The following PAICS variants were observed in gnomAD, a reference collection of about 807,000 sequenced individuals.
PAICS encodes the protein phosphoribosylaminoimidazole carboxylase and phosphoribosylaminoimidazolesuccinocarboxamide synthase.
A neutral mutation model predicts 53.7 loss-of-function variants in PAICS; 33 were observed. The ratio of observed to expected loss-of-function variants is 0.61; its 90% CI spans 0.47 to 0.82. The LOEUF (loss-of-function observed/expected upper bound fraction) is 0.82. PAICS is among the 40% of genes least tolerant of loss of function. The probability of loss-of-function intolerance (pLI) is 0.00; values close to 1 mark genes in which losing one functional copy is unlikely to be tolerated. For synonymous variants in PAICS, 141 were observed against 167.2 expected (o/e 0.84, Z 1.21); for missense variants, 394 against 494.1 (o/e 0.80, Z 1.92).
chr4:56,435,740 T>C (rs1578142638), upstream of PAICS: 5 of 1,484,070 alleles, frequency 3.4e-6, no homozygotes, highest in East Asian at 1.3e-4. Flanking sequence ...ACGGATGCTG[T>C]AGGGTGGAGC....
At chr4:56,453,168 CTT>C (rs778866607) in intron 7 of PAICS, among the ~76,000 whole-genome samples, 9 of 152,186 alleles carry the variant, frequency 5.9e-5, no homozygotes, top group Non-Finnish European at 1.0e-4. Flanking sequence ...TCCTTCAACT[CTT>C]GTTTGAAGAC....
the PAICS span, among the ~76,000 whole-genome samples, chr4:56,411,637 AGATGC>A: frequency 1.2e-4 from 19 of 152,236 alleles, no homozygotes; most frequent in Admixed American, 1.2e-3. Context: ...TAAATCTTAT[AGATGC>A]TATTTCAAGA....
At chr4:56,428,524 C>T in the PAICS span, among the ~76,000 whole-genome samples, 2 of 151,816 alleles carry the variant, frequency 1.3e-5, no homozygotes, top group Admixed American at 1.3e-4. Flanking sequence ...GAAAAAATGG[C>T]AACCCTCCAA....
At chr4:56,425,522 C>A in the PAICS span, 1 of 218,952 alleles carries the variant, frequency 4.6e-6, no homozygotes, top group Non-Finnish European at 7.7e-6. Flanking sequence ...CTAATTTGTA[C>A]TGTTGGTAAT....
In PAICS at chr4:56,444,436, G is replaced by C. The variant is rs550155543; in HGVS notation, c.215-2259G>C. On this transcript the variant is annotated intron_variant, in intron 2 of 8. Transcript: ENST00000512576. ...CTAGTATATGAAGAACGGTACTACA[G>C]TTGCTAAACCACAGATGGGCATCTG... Among the ~76,000 whole-genome samples, 463 of 152,244 alleles carry C rather than the reference G, an allele frequency of 3.0e-3. 2 individuals carry two copies. The highest frequency in any genetic ancestry group is 0.011 in the African/African-American group (438 of 41,532).
chr4:56,449,695 T>G (rs1187845037), intron 5 of PAICS, among the ~76,000 whole-genome samples: 2 of 151,074 alleles, frequency 1.3e-5, no homozygotes. Context: ...AGAATGAGAT[T>G]GGCCAGGCGC....
chr4:56,441,006 T>TA (rs1483025657), intron 1 of PAICS, among the ~76,000 whole-genome samples: 1 of 152,218 alleles, frequency 6.6e-6, no homozygotes, highest in East Asian at 1.9e-4. Flanking sequence ...CACAATTTCT[T>TA]ACAACTGTTA....
In PAICS at chr4:56,461,243, C is replaced by G. The variant is rs1416707905; in HGVS notation, c.*1705C>G. ...TATTTCCCTCACACTGTGTTATGCT[C>G]TGATGTGCTATGCTTAGCTATCTGT... On this transcript the variant is annotated 3_prime_UTR_variant, in exon 9 of 9. Coordinates refer to ENST00000512576, the MANE Select transcript of PAICS (RefSeq NM_001079524.2). The G allele has an allele frequency of 6.6e-6, 1 of 152,204 alleles. No individual in the cohort carries two copies. Among genetic ancestry groups the G allele is most frequent in the East Asian group, 1.9e-4 (1 of 5,192 alleles). 9.4% of individuals were successfully genotyped at this position (152,204 alleles called of 1,614,324 possible).
intron 8 of PAICS, among the ~76,000 whole-genome samples, chr4:56,455,399 C>T (rs954106555): frequency 1.3e-5 from 2 of 152,150 alleles, no homozygotes; most frequent in African/African-American, 4.8e-5. Flanking sequence ...TTGAGCCCTC[C>T]AACCTGGTCC....
chr4:56,435,916 C>T (rs373761081), upstream of PAICS: 91 of 1,492,456 alleles, frequency 6.1e-5, 1 homozygote, highest in African/African-American at 1.2e-3. Context: ...TTCCCCCAGG[C>T]CGTCAAGACT....
chr4:56,420,945 GTCT>G, the PAICS span: 1 of 147,660 alleles, frequency 6.8e-6, no homozygotes, highest in Non-Finnish European at 1.5e-5. Flanking sequence ...GTAACCAAGT[GTCT>G]TCTCTAGACC....
chr4:56,412,092 A>G, the PAICS span, among the ~76,000 whole-genome samples: 5 of 152,164 alleles, frequency 3.3e-5, no homozygotes, highest in African/African-American at 1.2e-4. Flanking sequence ...TTAGCTTCTG[A>G]AAGTCCCCGA....
the PAICS span, chr4:56,410,899 T>TAAAAAAAA: frequency 2.1e-5 from 14 of 678,540 alleles, no homozygotes; most frequent in African/African-American, 1.1e-4. Context: ...CCACTGAAGG[T>TAAAAAAAA]AAAAAAAAAA....
chr4:56,417,842 GTT>G, the PAICS span, among the ~76,000 whole-genome samples: 11,241 of 136,012 alleles, frequency 0.083, 539 homozygotes, highest in East Asian at 0.25. Context: ...TTGGTTTTTT[GTT>G]TTTTTTTTTT....
intron 1 of PAICS, among the ~76,000 whole-genome samples, chr4:56,439,483 C>A (rs1300094518): frequency 1.3e-5 from 2 of 152,036 alleles, no homozygotes; most frequent in African/African-American, 4.8e-5. Context: ...GTGATCCGCC[C>A]GCCTCGGCCT....
chr4:56,431,799 TAAG>T (rs1437536713), upstream of PAICS, among the ~76,000 whole-genome samples: 1 of 152,210 alleles, frequency 6.6e-6, no homozygotes, highest in Non-Finnish European at 1.5e-5. Context: ...ATGTTTATTC[TAAG>T]AAGGGGTGTC....
At chr4:56,427,906 G>A in the PAICS span, among the ~76,000 whole-genome samples, 1 of 152,206 alleles carries the variant, frequency 6.6e-6, no homozygotes, top group South Asian at 2.1e-4. Context: ...CCTTATACCT[G>A]AGTTGGTAGA....
Position 56,440,454 on chromosome 4 carries a change from A to G in PAICS, c.17-1209A>G, listed in dbSNP as rs554845204. ...TGATGTGGCCCCTGTCCAACTCTTA[A>G]GTCTTGTCTCCTGCCATTCTTTAGC... On this transcript the variant is annotated intron_variant, in intron 1 of 8. Coordinates refer to ENST00000512576, the MANE Select transcript of PAICS (RefSeq NM_001079524.2). Among the ~76,000 whole-genome samples, 16 of 152,260 alleles carry G rather than the reference A, an allele frequency of 1.1e-4. 1 individual carries two copies. The South Asian group carries it at 3.1e-3, about 30-fold the overall frequency.
rs1311676915 is a variant in PAICS at position 56,462,512 on chromosome 4, T to G, written c.*2974T>G. 1 of 152,226 alleles carries G rather than the reference T, an allele frequency of 6.6e-6. No individual in the cohort carries two copies. The highest frequency in any genetic ancestry group is 1.5e-5 in the Non-Finnish European group (1 of 68,048). The allele number at this position is 152,226 out of a possible 1,614,324, so 9.4% of individuals were successfully genotyped here. A position where few individuals can be genotyped will look rare whatever the true frequency, so the allele number is the denominator to read the frequency against. On this transcript the variant is annotated 3_prime_UTR_variant, in exon 9 of 9. Transcript: ENST00000512576. Reference sequence around the variant, plus strand: ...TGTAGCCCAGGTGAGGGATGATGTATGATCTTCAACATGTCTAATTTTTTT... The same window carrying G: ...TGTAGCCCAGGTGAGGGATGATGTAGGATCTTCAACATGTCTAATTTTTTT...
Sources: gnomAD v4.1 joint callset for allele counts (sites outside exome capture counted in the v4.1 genomes callset) on GRCh38, gnomAD v4.1.1 for gene constraint, MANE v1.5 for transcripts, NCBI Gene and HGNC (gene_info 2026-07-23, HGNC 2026-07-21) for gene names.